ZNF559: variants seen among roughly 807,000 people sequenced by gnomAD.
The protein encoded by ZNF559 is zinc finger protein 559, also known as putative protein product of Nbla00121.
In ZNF559, 17 loss-of-function variants were observed where a neutral mutation model predicts 14.2. The ratio of observed to expected loss-of-function variants is 1.20; its 90% CI spans 0.82 to 1.80. ZNF559 has a LOEUF of 1.80. Ranked by LOEUF, ZNF559 falls within the 40% of genes most tolerant of loss-of-function variation. ZNF559 has a pLI of 0.00. For synonymous variants in ZNF559, 244 were observed against 212.4 expected (o/e 1.15, Z -1.29); for missense variants, 740 against 629.7 (o/e 1.18, Z -1.88).
In ZNF559 at chr19:9,341,689, C is replaced by A; in HGVS notation, c.244-6C>A. 1.3e-6 allele frequency: 2 copies of A among 1,597,508 alleles called. No homozygotes were observed. Among genetic ancestry groups the A allele is most frequent in the Non-Finnish European group, 1.7e-6 (2 of 1,175,132 alleles). On this transcript the variant is annotated splice_polypyrimidine_tract_variant and splice_region_variant and intron_variant, in intron 6 of 6. Coordinates refer to ENST00000603380, the MANE Select transcript of ZNF559 (RefSeq NM_032497.3). ...TCTATGAACCATCATTAATTTTCACCAACAGGAGAGAAACCATTTTGGAGA... is the reference window on the plus strand; with the variant it reads ...TCTATGAACCATCATTAATTTTCACAAACAGGAGAGAAACCATTTTGGAGA...
At chr19:9,336,879 A>C (rs2067268680) in intron 2 of ZNF559, among the ~76,000 whole-genome samples, 1 of 152,194 alleles carries the variant, frequency 6.6e-6, no homozygotes, top group Non-Finnish European at 1.5e-5. Flanking sequence ...GGGGTCCTCA[A>C]GACCACCACC....
rs1322884998 is a variant in ZNF559, at chr19:9,342,415, G to A, written c.964G>A (p.Glu322Lys). The A allele has an allele frequency of 2.5e-6, 4 of 1,614,114 alleles. No homozygotes were observed. The South Asian group carries it at 4.4e-5, about 18-fold the overall frequency. ...CATTCACATAAGGGTTCACACTGGAGAAAAACCGTATGAGTGCAACAAATG... is the reference window on the plus strand; with the variant it reads ...CATTCACATAAGGGTTCACACTGGAAAAAAACCGTATGAGTGCAACAAATG... ...LNIHIRVHTGEKPYECNKCGK... is the reference protein window; with the variant it reads ...LNIHIRVHTGKKPYECNKCGK... The change falls in exon 7 of 7, where the codon GAA becomes AAA. Residue 322 changes from glutamate to lysine, a missense_variant. By Grantham distance (56) the Glu-to-Lys change is moderately conservative. Coordinates refer to ENST00000603380, the MANE Select transcript of ZNF559 (RefSeq NM_032497.3).
intron 2 of ZNF559, among the ~76,000 whole-genome samples, chr19:9,326,676 A>G (rs1241521531): frequency 1.3e-5 from 2 of 152,340 alleles, no homozygotes; most frequent in East Asian, 3.9e-4. Flanking sequence ...AATGCAGCAT[A>G]TCCAGTTATC....
chr19:9,327,724 T>C (rs2066700000), intron 2 of ZNF559, among the ~76,000 whole-genome samples: 1 of 148,774 alleles, frequency 6.7e-6, no homozygotes, highest in Admixed American at 6.8e-5. Context: ...CTTTTTTTCT[T>C]TTTTGGAATG....
rs1165892942 is a variant in ZNF559, at chr19:9,324,200, T to C, written c.-234T>C. The C allele has an allele frequency of 1.3e-6, 2 of 1,536,044 alleles. No homozygotes were observed. Among genetic ancestry groups the C allele is most frequent in the Non-Finnish European group, 8.7e-7 (1 of 1,146,854 alleles). The stretch of plus-strand genomic sequence containing the variant: ...GCGCATGCGCATAACGGCCGCCATC[T>C]TAACAGCGCGTTCCCGTTGGCGTCT... On this transcript the variant is annotated 5_prime_UTR_variant, in exon 1 of 7. Transcript: ENST00000603380.
chr19:9,331,775 A>G (rs980062701), intron 2 of ZNF559, among the ~76,000 whole-genome samples: 3 of 152,158 alleles, frequency 2.0e-5, no homozygotes, highest in East Asian at 3.9e-4. Context: ...TATTGTTACT[A>G]TGTGTTTCCA....
In ZNF559 at chr19:9,343,035, T is replaced by C. The variant is rs774862541; in HGVS notation, c.1584T>C (p.Phe528=). ...CATATAAGGAATGTGGGCAAACCTT[T>C]AGTAATTCCTCATGCCTTACTGAAT... The part of the protein sequence containing the change: ...EKPYKECGQT[F]SNSSCLTECV Residue 528 remains phenylalanine, a synonymous_variant, in exon 7 of 7, where the codon TTT becomes TTC. Transcript: ENST00000603380. 1.2e-6 allele frequency: 2 copies of C among 1,613,496 alleles called. No homozygotes were observed. The highest frequency in any genetic ancestry group is 1.7e-5 in the Admixed American group (1 of 59,988).
chr19:9,327,021 G>A (rs1024665357), intron 2 of ZNF559, among the ~76,000 whole-genome samples: 2 of 152,120 alleles, frequency 1.3e-5, no homozygotes, highest in Admixed American at 1.3e-4. Context: ...CAGATCCAAG[G>A]CTTCCATTTT....
intron 2 of ZNF559, among the ~76,000 whole-genome samples, chr19:9,326,375 G>A (rs566139191): frequency 1.2e-4 from 18 of 152,214 alleles, no homozygotes; most frequent in South Asian, 6.2e-4. Context: ...AAAGTACTGC[G>A]TGAACCACCA....
intron 2 of ZNF559, among the ~76,000 whole-genome samples, chr19:9,326,754 GT>G (rs541933296): frequency 3.2e-4 from 49 of 152,130 alleles, no homozygotes; most frequent in African/African-American, 1.2e-3. Context: ...CACTTCTTTT[GT>G]ACTAAGTCTT....
intron 2 of ZNF559, among the ~76,000 whole-genome samples, chr19:9,330,563 C>T (rs1040276107): frequency 2.0e-5 from 3 of 152,008 alleles, no homozygotes; most frequent in African/African-American, 7.2e-5. Flanking sequence ...GTTGATTCTT[C>T]TGTTTGATGA....
chr19:9,341,117 T>C lies in ZNF559; in HGVS notation c.176T>C (p.Ile59Thr), dbSNP rs762284251. The C allele has an allele frequency of 6.2e-7, 1 of 1,611,680 alleles. No individual in the cohort carries two copies. Among genetic ancestry groups the C allele is most frequent in the South Asian group, 1.1e-5 (1 of 90,220 alleles). The part of the protein sequence containing the change: ...NLVAVDWESH[I>T]NTKWSAPQQN... ...CTTATTTCAGATTGGGAGAGTCATA[T>C]TAATACCAAATGGTCAGCACCTCAG... Residue 59 changes from isoleucine (I) to threonine (T), a missense_variant, in exon 6 of 7, where the codon ATT (isoleucine) becomes ACT (threonine). Physicochemically the swap from Ile to Thr is moderately conservative, Grantham distance 89. Coordinates refer to ENST00000603380, the MANE Select transcript of ZNF559 (RefSeq NM_032497.3).
At chr19:9,339,442 T>C in intron 5 of ZNF559, 123 bp downstream of exon 5, 1 of 1,150,492 alleles carries the variant, frequency 8.7e-7, no homozygotes, top group South Asian at 1.5e-5. Flanking sequence ...ATTGTTTCCA[T>C]CTCATAGACC....
chr19:9,335,067 C>T (rs547951300), intron 2 of ZNF559, among the ~76,000 whole-genome samples: 4 of 149,664 alleles, frequency 2.7e-5, no homozygotes, highest in Admixed American at 1.3e-4. Flanking sequence ...ACGCGGGAGG[C>T]GGAGCTTGCA....
Position 9,324,695 on chromosome 19 carries a change from G to A in ZNF559, c.-205G>A, listed in dbSNP as rs1046122387. ...CAGCGTTGTGCCTTTTCTCTATAAG[G>A]AACAGCATCTCTGCCTTCCTGTTCA... On this transcript the variant is annotated splice_region_variant and 5_prime_UTR_variant, in exon 2 of 7. Coordinates refer to ENST00000603380, the MANE Select transcript of ZNF559 (RefSeq NM_032497.3). The A allele has an allele frequency of 6.5e-7, 1 of 1,531,342 alleles. No individual in the cohort carries two copies. Among genetic ancestry groups the A allele is most frequent in the Non-Finnish European group, 8.7e-7 (1 of 1,145,372 alleles). 94.9% of individuals were successfully genotyped at this position (1,531,342 alleles called of 1,614,324 possible). A position where few individuals can be genotyped will look rare whatever the true frequency, so the allele number is the denominator to read the frequency against.
intron 2 of ZNF559, among the ~76,000 whole-genome samples, chr19:9,327,618 G>GT (rs528337053): frequency 7.7e-4 from 117 of 152,086 alleles, no homozygotes; most frequent in Non-Finnish European, 1.4e-3. Context: ...GAGGTTAACA[G>GT]TTTTTTTTCC....
intron 2 of ZNF559, among the ~76,000 whole-genome samples, chr19:9,336,204 A>G (rs1032068317): frequency 5.9e-5 from 9 of 152,130 alleles, no homozygotes; most frequent in African/African-American, 1.4e-4. Context: ...GTAAATATAC[A>G]TTTATATGTG....
In ZNF559 at chr19:9,345,226, T is replaced by C. The variant is rs2067703460; in HGVS notation, c.*2158T>C. 1 of 152,254 alleles carries C rather than the reference T, an allele frequency of 6.6e-6. No individual in the cohort carries two copies. Among genetic ancestry groups the C allele is most frequent in the African/African-American group, 2.4e-5 (1 of 41,466 alleles). The allele number at this position is 152,254 out of a possible 1,614,324, so 9.4% of individuals were successfully genotyped here. On this transcript the variant is annotated 3_prime_UTR_variant, in exon 7 of 7. Coordinates refer to ENST00000603380, the MANE Select transcript of ZNF559 (RefSeq NM_032497.3). ...CCACAAGCTATTTATCCATGTGTTA[T>C]TTCTACCTTTTGGCTATTGCAATTA... is the stretch of plus-strand genomic sequence containing the variant.
At chr19:9,328,882 A>T (rs1036676908) in intron 2 of ZNF559, among the ~76,000 whole-genome samples, 1 of 152,230 alleles carries the variant, frequency 6.6e-6, no homozygotes. Flanking sequence ...TCAAAATATT[A>T]CATAAGCCCT....
Sources: gnomAD v4.1 joint callset for allele counts (sites outside exome capture counted in the v4.1 genomes callset) on GRCh38, gnomAD v4.1.1 for gene constraint, MANE v1.5 for transcripts, NCBI Gene and HGNC (gene_info 2026-07-23, HGNC 2026-07-21) for gene names.